Variants in HIVEP3 observed in about 807,000 individuals in gnomAD.
The protein encoded by HIVEP3 is HIVEP zinc finger 3, also known as transcription factor HIVEP3.
Under a neutral mutation model 152.8 loss-of-function variants are expected in HIVEP3, and 49 were observed. That is an observed-to-expected ratio of 0.32 (90% CI 0.26 to 0.41). HIVEP3 has a LOEUF of 0.41. HIVEP3 is among the 10% of genes least tolerant of loss of function. The pLI is 1.00. For missense variants in HIVEP3, 2,790 were observed against 3,103.3 expected (o/e 0.90, Z 2.40); for synonymous variants, 1,269 against 1,289.0 (o/e 0.98, Z 0.33).
intron 1 of HIVEP3, among the ~76,000 whole-genome samples, chr1:41,896,735 C>T (rs1379370599): frequency 3.3e-5 from 5 of 152,072 alleles, no homozygotes; most frequent in South Asian, 2.1e-4. Flanking sequence ...CCACCACACC[C>T]GGCTAATTTT....
chr1:41,559,232 T>C (rs1410624837), intron 5 of HIVEP3, among the ~76,000 whole-genome samples: 6 of 152,176 alleles, frequency 3.9e-5, no homozygotes, highest in Non-Finnish European at 7.3e-5. Flanking sequence ...TCTGTCTCTT[T>C]TAAAGTCTTC....
chr1:42,007,811 T>C (rs1377998869), intron 1 of HIVEP3, among the ~76,000 whole-genome samples: 1 of 87,494 alleles, frequency 1.1e-5, no homozygotes, highest in Non-Finnish European at 2.6e-5. Context: ...AAGTAATACA[T>C]TCATTTGCTT....
chr1:41,515,948 G>A (rs1261156643), intron 7 of HIVEP3, among the ~76,000 whole-genome samples: 1 of 151,720 alleles, frequency 6.6e-6, no homozygotes, highest in Non-Finnish European at 1.5e-5. Flanking sequence ...AGGTCACAGG[G>A]GTAGTGTTAG....
At chr1:41,950,802 G>A (rs781218114) in intron 1 of HIVEP3, among the ~76,000 whole-genome samples, 8 of 152,272 alleles carry the variant, frequency 5.3e-5, no homozygotes, top group African/African-American at 1.7e-4. Context: ...AAAACTTAAA[G>A]ACTATTGATT....
intron 1 of HIVEP3, among the ~76,000 whole-genome samples, chr1:41,870,799 C>T (rs754800467): frequency 1.3e-5 from 2 of 152,180 alleles, no homozygotes; most frequent in Non-Finnish European, 2.9e-5. Context: ...ATAGGGTCAT[C>T]GCTGAGGGGA....
At chr1:41,942,477 G>A (rs1022120762) in intron 1 of HIVEP3, among the ~76,000 whole-genome samples, 9 of 152,320 alleles carry the variant, frequency 5.9e-5, no homozygotes, top group African/African-American at 1.2e-4. Flanking sequence ...CTACTGGCAT[G>A]ACTGTGAAGA....
chr1:41,951,140 C>T (rs1645104367), intron 1 of HIVEP3, among the ~76,000 whole-genome samples: 1 of 152,112 alleles, frequency 6.6e-6, no homozygotes, highest in Non-Finnish European at 1.5e-5. Flanking sequence ...AAGTCTTTGA[C>T]CATAAAAGCA....
intron 1 of HIVEP3, among the ~76,000 whole-genome samples, chr1:41,887,166 G>T (rs930588289): frequency 6.6e-6 from 1 of 150,652 alleles, no homozygotes; most frequent in African/African-American, 2.5e-5. Context: ...CATATGAAGA[G>T]GTGATCAAAG....
At chr1:41,845,069 C>T (rs559706991) in intron 1 of HIVEP3, among the ~76,000 whole-genome samples, 3 of 152,336 alleles carry the variant, frequency 2.0e-5, no homozygotes, top group Admixed American at 6.5e-5. Context: ...TCACCTCCTT[C>T]GCATCTATGC....
intron 2 of HIVEP3, among the ~76,000 whole-genome samples, chr1:41,681,960 C>G (rs1400069354): frequency 6.6e-6 from 1 of 152,186 alleles, no homozygotes; most frequent in East Asian, 1.9e-4. Context: ...CTAACGCTAT[C>G]CCTGATGACA....
At chr1:41,804,482 G>T (rs1342010631) in intron 1 of HIVEP3, among the ~76,000 whole-genome samples, 1 of 152,216 alleles carries the variant, frequency 6.6e-6, no homozygotes, top group Non-Finnish European at 1.5e-5. Context: ...CCACCACCAG[G>T]TGCTCATTCA....
chr1:41,668,677 T>G (rs970959650), intron 2 of HIVEP3, among the ~76,000 whole-genome samples: 1 of 152,248 alleles, frequency 6.6e-6, no homozygotes, highest in Non-Finnish European at 1.5e-5. Flanking sequence ...TAAATTCTCT[T>G]TGCCTATTTA....
Position 41,725,317 on chromosome 1 carries a change from C to T in HIVEP3, c.-800-24322G>A, listed in dbSNP as rs115482305. On this transcript the variant is annotated intron_variant, in intron 1 of 8. Transcript: ENST00000372583. Reference sequence around the variant, plus strand: ...CTCCTCACTCCTGCCACAAGCCTCTCCCAGTCACAGGGACAAGGGAATGAT... The same window carrying T: ...CTCCTCACTCCTGCCACAAGCCTCTTCCAGTCACAGGGACAAGGGAATGAT... Among the ~76,000 whole-genome samples, 1,338 of 152,330 alleles carry T rather than the reference C, an allele frequency of 8.8e-3. 9 individuals are homozygous for T. Among genetic ancestry groups the T allele is most frequent in the Non-Finnish European group, 0.015 (1,045 of 68,030 alleles).
intron 1 of HIVEP3, among the ~76,000 whole-genome samples, chr1:41,868,632 A>G (rs1447665025): frequency 1.3e-5 from 2 of 152,216 alleles, no homozygotes; most frequent in Non-Finnish European, 1.5e-5. Context: ...TATGGTTTAG[A>G]GCACACCTGT....
chr1:41,653,925 T>C (rs1457308996), intron 2 of HIVEP3, among the ~76,000 whole-genome samples: 1 of 106,374 alleles, frequency 9.4e-6, no homozygotes, highest in Non-Finnish European at 1.7e-5. Flanking sequence ...ATGAGACACC[T>C]CTCCCTGGGC....
At chr1:41,610,737 A>G (rs958876708) in intron 3 of HIVEP3, among the ~76,000 whole-genome samples, 1 of 152,170 alleles carries the variant, frequency 6.6e-6, no homozygotes, top group Non-Finnish European at 1.5e-5. Flanking sequence ...CTGAATTCCG[A>G]GCGCAATTTC....
intron 2 of HIVEP3, among the ~76,000 whole-genome samples, chr1:41,641,381 C>T (rs1023363572): frequency 2.0e-5 from 3 of 152,186 alleles, no homozygotes; most frequent in African/African-American, 7.2e-5. Flanking sequence ...CAGGGTCCTC[C>T]GGGGACCCAG....
intron 1 of HIVEP3, among the ~76,000 whole-genome samples, chr1:42,013,081 C>A (rs1259356164): frequency 6.6e-6 from 1 of 152,128 alleles, no homozygotes; most frequent in Non-Finnish European, 1.5e-5. Flanking sequence ...AGGTGTTGAC[C>A]ACATTTGCTC....
intron 1 of HIVEP3, among the ~76,000 whole-genome samples, chr1:41,712,636 C>A (rs114016619): frequency 2.0e-5 from 3 of 152,180 alleles, no homozygotes; most frequent in African/African-American, 7.2e-5. Context: ...AAGAGGGAAA[C>A]CAGCGTCCTG....
Sources: allele counts gnomAD v4.1 joint callset (sites outside exome capture counted in the v4.1 genomes callset), GRCh38; gene constraint gnomAD v4.1.1; transcripts MANE v1.5; gene names NCBI Gene and HGNC (gene_info 2026-07-23, HGNC 2026-07-21).